Variants in LRRC4C observed in about 807,000 individuals in gnomAD.
LRRC4C encodes the protein leucine rich repeat containing 4C, also known as leucine-rich repeat-containing protein 4C.
In LRRC4C, 5 loss-of-function variants were observed where a neutral mutation model predicts 33.6. The ratio of observed to expected loss-of-function variants is 0.15; its 90% CI spans 0.08 to 0.31. The LOEUF (loss-of-function observed/expected upper bound fraction) is 0.31. LRRC4C is among the 10% of genes least tolerant of loss of function. The probability of loss-of-function intolerance (pLI) is 1.00; values close to 1 mark genes in which losing one functional copy is unlikely to be tolerated. For synonymous variants in LRRC4C, 329 were observed against 302.0 expected, an observed-to-expected ratio of 1.09 and a Z score of -0.93; for missense variants, 560 against 796.7, an observed-to-expected ratio of 0.70 and a Z score of 3.58.
chr11:41,082,328 G>C (rs1939637841), intron 1 of LRRC4C, among the ~76,000 whole-genome samples: 1 of 151,932 alleles, frequency 6.6e-6, no homozygotes, highest in Non-Finnish European at 1.5e-5. Flanking sequence ...CACAAAATTA[G>C]AGACTAGTTC....
At chr11:40,888,684 A>C (rs1003969734) in intron 2 of LRRC4C, among the ~76,000 whole-genome samples, 1 of 151,956 alleles carries the variant, frequency 6.6e-6, no homozygotes, top group Non-Finnish European at 1.5e-5. Flanking sequence ...GAAATATGGA[A>C]ATTTCTCTTG....
rs1322060841 is a variant in LRRC4C at position 40,114,597 on chromosome 11, C to T, written c.1696G>A (p.Val566Ile). 2 of 1,614,164 alleles carry T rather than the reference C, an allele frequency of 1.2e-6. No homozygotes were observed. The highest frequency in any genetic ancestry group is 1.1e-5 in the South Asian group (1 of 91,086). ...RQNHHAPTRT[V>I]EIINVDDEIT... ...TCATCATCCACATTAATAATTTCAA[C>T]AGTCCTTGTTGGGGCGTGATGGTTT... Residue 566 changes from valine to isoleucine, a missense_variant, in exon 7 of 7, where the codon GTT (valine) becomes ATT (isoleucine). Val to Ile is a conservative substitution (Grantham distance 29). Transcript: ENST00000528697.
At chr11:40,933,772 G>C (rs1051458805) in intron 1 of LRRC4C, 49 bp from the exon 2 acceptor site, 1 of 152,128 alleles carries the variant, frequency 6.6e-6, no homozygotes, top group African/African-American at 2.4e-5. Flanking sequence ...AAGAAAGTTA[G>C]AAAATAGCCC....
chr11:40,913,499 C>A (rs894238439), intron 2 of LRRC4C, among the ~76,000 whole-genome samples: 1 of 151,848 alleles, frequency 6.6e-6, no homozygotes, highest in Non-Finnish European at 1.5e-5. Context: ...TTGAAACCAA[C>A]GAGAACAAAG....
chr11:41,089,832 G>A (rs191602166), intron 1 of LRRC4C, among the ~76,000 whole-genome samples: 15 of 151,546 alleles, frequency 9.9e-5, no homozygotes, highest in Admixed American at 9.2e-4. Flanking sequence ...GGTCATCAGG[G>A]GTCTTTAAAG....
chr11:40,876,384 T>C (rs1332016760), intron 2 of LRRC4C, among the ~76,000 whole-genome samples: 1 of 150,888 alleles, frequency 6.6e-6, no homozygotes, highest in Admixed American at 6.7e-5. Context: ...AAGTCCCTGA[T>C]AATGTTTGAA....
chr11:41,016,742 C>T (rs1195309162), intron 1 of LRRC4C, among the ~76,000 whole-genome samples: 1 of 151,996 alleles, frequency 6.6e-6, no homozygotes, highest in Non-Finnish European at 1.5e-5. Flanking sequence ...AGGTTAAATC[C>T]CTGTGTTCCC....
At chr11:40,965,469 T>C (rs1469692807) in intron 1 of LRRC4C, among the ~76,000 whole-genome samples, 8 of 151,990 alleles carry the variant, frequency 5.3e-5, no homozygotes, top group Admixed American at 2.0e-4. Flanking sequence ...ATGGTATTGC[T>C]TAGGTTTTCT....
intron 1 of LRRC4C, among the ~76,000 whole-genome samples, chr11:41,458,884 C>T (rs1228120274): frequency 6.6e-6 from 1 of 151,978 alleles, no homozygotes; most frequent in East Asian, 1.9e-4. Flanking sequence ...CAATTAAGAG[C>T]TGGTGAAGCA....
At chr11:41,356,182 C>T (rs1185672052) in intron 1 of LRRC4C, among the ~76,000 whole-genome samples, 1 of 152,108 alleles carries the variant, frequency 6.6e-6, no homozygotes, top group East Asian at 1.9e-4. Context: ...AGTAATTAAG[C>T]TAGACCCACC....
chr11:41,115,413 G>A (rs902958733), intron 1 of LRRC4C, among the ~76,000 whole-genome samples: 3 of 150,454 alleles, frequency 2.0e-5, no homozygotes, highest in African/African-American at 7.3e-5. Context: ...AGACATTCTA[G>A]TGATTTTGCT....
chr11:40,322,613 G>A (rs903144835), intron 3 of LRRC4C, among the ~76,000 whole-genome samples: 1 of 152,142 alleles, frequency 6.6e-6, no homozygotes, highest in African/African-American at 2.4e-5. Flanking sequence ...GGGGAGCATA[G>A]GTTGCAGAAG....
At chr11:41,100,560 G>A (rs146824716) in intron 1 of LRRC4C, among the ~76,000 whole-genome samples, 39 of 151,578 alleles carry the variant, frequency 2.6e-4, no homozygotes, top group African/African-American at 9.0e-4. Flanking sequence ...AAGAAAGAAA[G>A]TCCATCTCAA....
chr11:40,640,811 G>A (rs970402540), intron 3 of LRRC4C, among the ~76,000 whole-genome samples: 35 of 151,892 alleles, frequency 2.3e-4, no homozygotes, highest in African/African-American at 5.1e-4. Flanking sequence ...TCAGGAGATC[G>A]AGAGACTATC....
chr11:40,209,071 A>T (rs1863383278), intron 5 of LRRC4C, among the ~76,000 whole-genome samples: 2 of 152,000 alleles, frequency 1.3e-5, no homozygotes, highest in South Asian at 4.1e-4. Context: ...TATCCCGGCA[A>T]TTTACAAAGG....
At chr11:40,959,861 G>A (rs920738552) in intron 1 of LRRC4C, among the ~76,000 whole-genome samples, 2 of 151,670 alleles carry the variant, frequency 1.3e-5, no homozygotes, top group African/African-American at 4.8e-5. Context: ...AAAACCCACA[G>A]TGGTATTGTA....
intron 2 of LRRC4C, among the ~76,000 whole-genome samples, chr11:40,916,535 C>A (rs112941058): frequency 6.6e-6 from 1 of 151,600 alleles, no homozygotes; most frequent in African/African-American, 2.4e-5. Flanking sequence ...CATCACACAG[C>A]GGGGCCTGTT....
chr11:41,287,776 C>T (rs563524786), intron 1 of LRRC4C, among the ~76,000 whole-genome samples: 1 of 152,184 alleles, frequency 6.6e-6, no homozygotes, highest in African/African-American at 2.4e-5. Flanking sequence ...AGTTGTGAGG[C>T]TTTCCCTGAT....
chr11:40,325,368 C>T (rs1298765987), intron 3 of LRRC4C, among the ~76,000 whole-genome samples: 2 of 152,168 alleles, frequency 1.3e-5, no homozygotes, highest in Admixed American at 6.5e-5. Context: ...CATGATAGCT[C>T]ATGCTTGTAA....
Sources: allele counts gnomAD v4.1 joint callset (sites outside exome capture counted in the v4.1 genomes callset), GRCh38; gene constraint gnomAD v4.1.1; transcripts MANE v1.5; gene names NCBI Gene and HGNC (gene_info 2026-07-23, HGNC 2026-07-21).